The following PCDHGB2 variants were observed in gnomAD, a reference collection of about 807,000 sequenced individuals.
PCDHGB2 encodes the protein protocadherin gamma subfamily B, 2.
Under a neutral mutation model 59.3 loss-of-function variants are expected in PCDHGB2, and 55 were observed. The observed-to-expected ratio is 0.93, with a 90% CI of 0.75 to 1.16. PCDHGB2 has a LOEUF of 1.16. Among genes scored for constraint, PCDHGB2 ranks in the 50% most tolerant of loss-of-function variants. The pLI is 0.00. For missense variants in PCDHGB2, 1,228 were observed against 1,198.5 expected, an observed-to-expected ratio of 1.02 and a Z score of -0.36; for synonymous variants, 516 against 512.0, an observed-to-expected ratio of 1.01 and a Z score of -0.11.
intron 1 of PCDHGB2, among the ~76,000 whole-genome samples, chr5:141,380,119 C>G (rs1776230569): frequency 6.6e-6 from 1 of 151,916 alleles, no homozygotes; most frequent in Non-Finnish European, 1.5e-5. Flanking sequence ...AGGCTGGTCT[C>G]AAACTCCTGA....
In PCDHGB2 at chr5:141,410,525, T is replaced by G. The variant is rs6891442; in HGVS notation, c.2421+47969T>G. The G allele has an allele frequency of 1.9e-3, 3,112 of 1,613,920 alleles. 62 individuals are homozygous for G. In the African/African-American group the frequency reaches 0.034, roughly 18 times the overall value. On this transcript the variant is annotated intron_variant, in intron 1 of 3. Transcript: ENST00000522605. ...CCTAAAATGCAGTGTGCCCCTACAT[T>G]CCAATGAAGACATGGTTTGCAGTGT...
At chr5:141,408,226 GCGCCGGGCCGGCC>G (rs2095062452) in intron 1 of PCDHGB2, 1 of 1,562,288 alleles carries the variant, frequency 6.4e-7, no homozygotes, top group South Asian at 1.2e-5. Flanking sequence ...GCGCGCAGAG[GCGCCGGGCCGGCC>G]CGCGGCAGGT....
chr5:141,435,519 T>C (rs2097768121), intron 1 of PCDHGB2, among the ~76,000 whole-genome samples: 2 of 152,192 alleles, frequency 1.3e-5, no homozygotes, highest in South Asian at 4.1e-4. Context: ...ATGATGACTT[T>C]GTGGAATATT....
intron 1 of PCDHGB2, chr5:141,365,574 C>T: frequency 1.9e-6 from 3 of 1,613,636 alleles, no homozygotes; most frequent in South Asian, 1.1e-5. Context: ...AGAGAAGAGA[C>T]TTCAGATTAT....
chr5:141,372,520 T>A, intron 1 of PCDHGB2: 1 of 1,614,068 alleles, frequency 6.2e-7, no homozygotes, highest in Non-Finnish European at 8.5e-7. Flanking sequence ...GCGGTGATTC[T>A]GGCAATCTCC....
At chr5:141,410,438 G>T (rs957017717) in intron 1 of PCDHGB2, 1 of 1,613,894 alleles carries the variant, frequency 6.2e-7, no homozygotes, top group African/African-American at 1.3e-5. Flanking sequence ...CTACAGTGAG[G>T]GGACTTTGCC....
At chr5:141,393,314 C>T (rs2150518180) in intron 1 of PCDHGB2, 1 of 1,613,076 alleles carries the variant, frequency 6.2e-7, no homozygotes, top group Non-Finnish European at 8.5e-7. Flanking sequence ...TGAACTCCCT[C>T]CAGAGCTACC....
chr5:141,374,863 A>C (rs1588752717), intron 1 of PCDHGB2: 1 of 1,613,784 alleles, frequency 6.2e-7, no homozygotes, highest in Non-Finnish European at 8.5e-7. Context: ...TAGGCACACC[A>C]GTGTTGGCAG....
In PCDHGB2 at chr5:141,487,493, C is replaced by T; in HGVS notation, c.2422-7314C>T. 6.2e-7 allele frequency: 1 copy of T among 1,614,168 alleles called. No individual in the cohort carries two copies. The highest frequency in any genetic ancestry group is 1.1e-5 in the South Asian group (1 of 91,088). On this transcript the variant is annotated intron_variant, in intron 1 of 3. Coordinates refer to ENST00000522605, the MANE Select transcript of PCDHGB2 (RefSeq NM_018923.3). The surrounding 1 kb of genome is among the most constrained non-coding windows in gnomAD (Gnocchi z 5.0). ...GGGAGGCCACTCTCATGGCTGTACA[C>T]CCTTGGCTTCTGCACCCACTCGGAG...
intron 1 of PCDHGB2, chr5:141,390,211 A>C (rs2092083901): frequency 6.2e-7 from 1 of 1,613,936 alleles, no homozygotes. Context: ...TCAGGACAAG[A>C]CATACTTTGC....
At chr5:141,387,473 G>C (rs1032850562) in intron 1 of PCDHGB2, among the ~76,000 whole-genome samples, 2 of 152,190 alleles carry the variant, frequency 1.3e-5, no homozygotes. Context: ...CCTCAAAGTT[G>C]GGATGAAGGC....
rs2097527384 is a variant in PCDHGB2 at position 141,432,674 on chromosome 5, A to G, written c.2422-62133A>G. 2 of 1,613,856 alleles carry G rather than the reference A, an allele frequency of 1.2e-6. No homozygotes were observed. The highest frequency in any genetic ancestry group is 4.5e-5 in the East Asian group (2 of 44,840). On this transcript the variant is annotated intron_variant, in intron 1 of 3. Coordinates refer to ENST00000522605, the MANE Select transcript of PCDHGB2 (RefSeq NM_018923.3). The surrounding 1 kb of genome is among the most constrained non-coding windows in gnomAD (Gnocchi z 6.0). ...AGCCCTGCTGGACAGAGACGCGCTCAAGCAGAGCCTCGTAGTGGCCGTCCA... is the reference window on the plus strand; with the variant it reads ...AGCCCTGCTGGACAGAGACGCGCTCGAGCAGAGCCTCGTAGTGGCCGTCCA...
Position 141,361,616 on chromosome 5 carries a change from G to A in PCDHGB2, c.1481G>A (p.Ser494Asn), listed in dbSNP as rs1031903185. The change falls in exon 1 of 4, where the codon AGC becomes AAC. Residue 494 changes from serine (S) to asparagine (N), a missense_variant. By Grantham distance (46) the Ser-to-Asn change is conservative. Around this residue, in one of 3 missense-constraint regions of PCDHGB2, gnomAD observed 781 missense variants for 721.6 expected, o/e 1.08. Coordinates refer to ENST00000522605, the MANE Select transcript of PCDHGB2 (RefSeq NM_018923.3). ...CAAGTTTCCTACTCCATCGTAGCGA[G>A]CGACCTGAAGCCGCGGGAGATTTTA... ...SGQVSYSIVA[S>N]DLKPREILSY... The A allele has an allele frequency of 1.4e-5, 22 of 1,613,858 alleles. No homozygotes were observed. The highest frequency in any genetic ancestry group is 1.7e-5 in the Non-Finnish European group (20 of 1,179,908).
chr5:141,415,182 C>T (rs2095840318), intron 1 of PCDHGB2: 2 of 1,613,842 alleles, frequency 1.2e-6, no homozygotes, highest in Non-Finnish European at 1.7e-6. Flanking sequence ...TGGCCGTGGC[C>T]GACAGCATCC....
At chr5:141,381,782 A>G (rs940671211) in intron 1 of PCDHGB2, among the ~76,000 whole-genome samples, 1 of 150,898 alleles carries the variant, frequency 6.6e-6, no homozygotes, top group African/African-American at 2.5e-5. Context: ...AATCAGGAAC[A>G]AGGCAAGGCA....
In PCDHGB2 at chr5:141,476,836, T is replaced by C. The variant is rs772607917; in HGVS notation, c.2422-17971T>C. On this transcript the variant is annotated intron_variant, in intron 1 of 3. Coordinates refer to ENST00000522605, the MANE Select transcript of PCDHGB2 (RefSeq NM_018923.3). The surrounding 1 kb of genome is among the most constrained non-coding windows in gnomAD (Gnocchi z 7.6). ...TCAAGGTGCTGGACGCGAATGACAATGCGCCTGTCTTCAACCAGTCCTTGT... is the reference window on the plus strand; with the variant it reads ...TCAAGGTGCTGGACGCGAATGACAACGCGCCTGTCTTCAACCAGTCCTTGT... 1.9e-6 allele frequency: 3 copies of C among 1,613,652 alleles called. 1 individual carries two copies. The highest frequency in any genetic ancestry group is 2.2e-5 in the East Asian group (1 of 44,852).
chr5:141,375,552 C>T, intron 1 of PCDHGB2: 1 of 1,614,058 alleles, frequency 6.2e-7, no homozygotes. Flanking sequence ...GTCTCCTACT[C>T]ACTGGCAGAA....
chr5:141,408,851 G>T, intron 1 of PCDHGB2: 4 of 1,613,574 alleles, frequency 2.5e-6, no homozygotes, highest in African/African-American at 1.3e-5. Context: ...TGCCTTGGAC[G>T]GAGGGGACCC....
At chr5:141,371,044 G>C in intron 1 of PCDHGB2, 1 of 1,613,964 alleles carries the variant, frequency 6.2e-7, no homozygotes, top group Admixed American at 1.7e-5. Context: ...GCTGTGGATG[G>C]GGGCGAGCCC....
Sources: gnomAD v4.1 joint callset for allele counts (sites outside exome capture counted in the v4.1 genomes callset) on GRCh38, gnomAD v4.1.1 for gene constraint, gnomAD v4.1.1 regional missense constraint, Gnocchi (gnomAD v3.1) non-coding constraint, MANE v1.5 for transcripts, NCBI Gene and HGNC (gene_info 2026-07-23, HGNC 2026-07-21) for gene names.